Variants in KANSL1 observed in about 807,000 individuals in gnomAD.
KANSL1 encodes the protein KAT8 regulatory NSL complex subunit 1.
KANSL1 carries 22 observed loss-of-function variants against 103.6 expected under a neutral mutation model. The observed-to-expected ratio is 0.21, with a 90% CI of 0.15 to 0.30. The LOEUF (loss-of-function observed/expected upper bound fraction) is 0.30, where lower values mean the gene tolerates loss of function less well. KANSL1 is among the 10% of genes least tolerant of loss of function. The probability of loss-of-function intolerance (pLI) is 1.00; values close to 1 mark genes in which losing one functional copy is unlikely to be tolerated. For missense variants in KANSL1, 1,337 were observed against 1,399.8 expected, an observed-to-expected ratio of 0.96 and a Z score of 0.72; for synonymous variants, 600 against 527.6, an observed-to-expected ratio of 1.14 and a Z score of -1.88.
intron 2 of KANSL1, among the ~76,000 whole-genome samples, chr17:46,139,125 C>T (rs1456290829): frequency 2.0e-5 from 3 of 152,120 alleles, no homozygotes; most frequent in African/African-American, 7.2e-5. Context: ...CTGCTCTATC[C>T]CCATAATCTA....
chr17:46,106,868 T>C (rs2042589474), intron 2 of KANSL1, among the ~76,000 whole-genome samples: 1 of 152,126 alleles, frequency 6.6e-6, no homozygotes, highest in Admixed American at 6.5e-5. Flanking sequence ...GAAGAAACCC[T>C]GGTACAGGCA....
At chr17:46,208,004 G>A (rs1273178649) in intron 1 of KANSL1, among the ~76,000 whole-genome samples, 12 of 152,054 alleles carry the variant, frequency 7.9e-5, no homozygotes, top group Non-Finnish European at 1.5e-4. Flanking sequence ...CCAGCTACTG[G>A]GGAAGCTGAG....
chr17:46,146,664 T>TGG lies in KANSL1; in HGVS notation c.1289+24190_1289+24191insCC, dbSNP rs1306752215. Reference sequence around the variant, plus strand: ...CCAGCTAAAACGGTGAAACCCCGTCTCTACTAAAAATACAAAAAATTAGCC... The same window carrying TGG: ...CCAGCTAAAACGGTGAAACCCCGTCTGGCTACTAAAAATACAAAAAATTAGCC... On this transcript the variant is annotated intron_variant, in intron 2 of 14. Transcript: ENST00000432791. Among the ~76,000 whole-genome samples, 16 of 129,098 alleles carry TGG rather than the reference T, an allele frequency of 1.2e-4. 4 individuals are homozygous for TGG. The highest frequency in any genetic ancestry group is 2.4e-4 in the Non-Finnish European group (13 of 53,302). The allele number at this position is 129,098 out of a possible 152,430, so 84.7% of individuals were successfully genotyped here. A position where few individuals can be genotyped will look rare whatever the true frequency, so the allele number is the denominator to read the frequency against.
At chr17:46,143,803 C>CAAAAAAAAAAAAAAAAAAAAA (rs57361021) in intron 2 of KANSL1, among the ~76,000 whole-genome samples, 20 of 85,524 alleles carry the variant, frequency 2.3e-4, no homozygotes, top group Non-Finnish European at 2.8e-4. Flanking sequence ...GACTCCATCT[C>CAAAAAAAAAAAAAAAAAAAAA]AAAAAAAAAA....
In KANSL1 at chr17:46,172,107, C is replaced by T. The variant is rs528026295; in HGVS notation, c.37G>A (p.Ala13Thr). Reference sequence around the variant, plus strand: ...TTGAACCGGATATGGTGTGCTTCAGCTGCTGCGTCAGTGAGAGCGGGCGCC... The same window carrying T: ...TTGAACCGGATATGGTGTGCTTCAGTTGCTGCGTCAGTGAGAGCGGGCGCC... ...AMAPALTDAA[A>T]EAHHIRFKLA... is the part of the protein sequence containing the mutation. Residue 13 changes from alanine to threonine, a missense_variant, in exon 2 of 15, where the codon GCT (alanine) becomes ACT (threonine). Around this residue, in one of 2 missense-constraint regions of KANSL1, gnomAD observed 557 missense variants for 476.4 expected, o/e 1.17. Coordinates refer to ENST00000432791, the MANE Select transcript of KANSL1 (RefSeq NM_015443.4). 1 of 1,610,762 alleles carries T rather than the reference C, an allele frequency of 6.2e-7. No individual in the cohort carries two copies. Among genetic ancestry groups the T allele is most frequent in the African/African-American group, 1.3e-5 (1 of 75,042 alleles).
chr17:46,079,284 T>A (rs149489140), intron 4 of KANSL1, among the ~76,000 whole-genome samples: 1 of 152,286 alleles, frequency 6.6e-6, no homozygotes, highest in African/African-American at 2.4e-5. Context: ...TATATACTGG[T>A]TCTGTCAATA....
chr17:46,134,930 G>A (rs1221068462), intron 2 of KANSL1, among the ~76,000 whole-genome samples: 2 of 152,162 alleles, frequency 1.3e-5, no homozygotes, highest in African/African-American at 4.8e-5. Context: ...GGTACTTTTA[G>A]TATTCAAAGT....
At chr17:46,160,220 C>A (rs1020438252) in intron 2 of KANSL1, among the ~76,000 whole-genome samples, 2 of 152,124 alleles carry the variant, frequency 1.3e-5, no homozygotes, top group Admixed American at 6.5e-5. Context: ...TAATTCCTTT[C>A]TTTTCTTCCT....
At chr17:46,184,897 C>T (rs891458543) in intron 1 of KANSL1, among the ~76,000 whole-genome samples, 5 of 147,098 alleles carry the variant, frequency 3.4e-5, no homozygotes, top group East Asian at 2.0e-4. Context: ...TGGAGTGCAG[C>T]GGCACAATAT....
chr17:46,219,679 T>A (rs576589759), intron 1 of KANSL1, among the ~76,000 whole-genome samples: 2 of 152,402 alleles, frequency 1.3e-5, no homozygotes, highest in African/African-American at 4.8e-5. Context: ...TTAAATTTTT[T>A]AATGCCTGAC....
chr17:46,153,599 A>C (rs2045247358), intron 2 of KANSL1, among the ~76,000 whole-genome samples: 1 of 152,264 alleles, frequency 6.6e-6, no homozygotes, highest in South Asian at 2.1e-4. Flanking sequence ...AATGAAGACT[A>C]CATGGAAGGG....
intron 1 of KANSL1, among the ~76,000 whole-genome samples, chr17:46,190,757 T>A (rs1457222426): frequency 6.6e-6 from 1 of 152,258 alleles, no homozygotes; most frequent in African/African-American, 2.4e-5. Flanking sequence ...CCAAATATGC[T>A]AAAGGTCGAA....
At chr17:46,070,043 C>T (rs140443700) in intron 4 of KANSL1, among the ~76,000 whole-genome samples, 1 of 152,248 alleles carries the variant, frequency 6.6e-6, no homozygotes, top group Non-Finnish European at 1.5e-5. Flanking sequence ...GAAAGCAACA[C>T]GGTATTAAGC....
chr17:46,066,555 G>A lies in KANSL1; in HGVS notation c.1830C>T (p.Ile610=), dbSNP rs150800846. The A allele has an allele frequency of 4.4e-5, 71 of 1,612,404 alleles. No individual in the cohort carries two copies. Among genetic ancestry groups the A allele is most frequent in the African/African-American group, 8.0e-5 (6 of 75,002 alleles). ...TACCGACCTTCTTGGAAAGAGGAAC[G>A]ATGCTGTTGGGTCGAACAAGCCTCC... ...KKRRLVRPNS[I]VPLSKKVHRN... Residue 610 remains isoleucine, a synonymous_variant, in exon 6 of 15, where the codon ATC becomes ATT. Coordinates refer to ENST00000432791, the MANE Select transcript of KANSL1 (RefSeq NM_015443.4).
intron 4 of KANSL1, among the ~76,000 whole-genome samples, chr17:46,080,865 T>C (rs937018729): frequency 6.6e-6 from 1 of 152,176 alleles, no homozygotes; most frequent in Non-Finnish European, 1.5e-5. Context: ...TTTCATTATT[T>C]ATTTTACTCA....
chr17:46,205,030 T>G (rs535467971), intron 1 of KANSL1, among the ~76,000 whole-genome samples: 7 of 152,184 alleles, frequency 4.6e-5, no homozygotes. Flanking sequence ...AAAGCCTGAA[T>G]GCTTTCTCCC....
Position 46,067,953 on chromosome 17 carries a change from AAGAG to A in KANSL1, c.1534-290_1534-287del, listed in dbSNP as rs144435729. On this transcript the variant is annotated intron_variant, in intron 4 of 14. Coordinates refer to ENST00000432791, the MANE Select transcript of KANSL1 (RefSeq NM_015443.4). ...CAGCGAGACCTCATCTCTAATTAAA[AAGAG>A]AGAGAGAGAGGTTGACAGAGAGAAG... 6.7e-3 allele frequency among the ~76,000 whole-genome samples: 1,021 copies of A among 151,754 alleles called. 13 individuals carry two copies. The highest frequency in any genetic ancestry group is 0.024 in the African/African-American group (974 of 41,438).
chr17:46,104,698 GA>G (rs1419742043), intron 2 of KANSL1, among the ~76,000 whole-genome samples: 1 of 152,172 alleles, frequency 6.6e-6, no homozygotes, highest in Admixed American at 6.5e-5. Flanking sequence ...TCTAATGGAG[GA>G]AAAAATGGCA....
chr17:46,110,993 T>C (rs2042778316), intron 2 of KANSL1, among the ~76,000 whole-genome samples: 1 of 152,222 alleles, frequency 6.6e-6, no homozygotes, highest in Non-Finnish European at 1.5e-5. Context: ...ATTAAAACTA[T>C]AGTGAAACAA....
Sources: gnomAD v4.1 joint callset for allele counts (sites outside exome capture counted in the v4.1 genomes callset) on GRCh38, gnomAD v4.1.1 for gene constraint, gnomAD v4.1.1 regional missense constraint, MANE v1.5 for transcripts, NCBI Gene and HGNC (gene_info 2026-07-23, HGNC 2026-07-21) for gene names.